Variants in TIAM2 observed in about 807,000 individuals in gnomAD.
TIAM2 encodes the protein TIAM Rac1 associated GEF 2.
A neutral mutation model predicts 152.9 loss-of-function variants in TIAM2; 80 were observed. The observed-to-expected ratio is 0.52, with a 90% CI of 0.44 to 0.63. TIAM2 has a LOEUF of 0.63. Among genes scored for constraint, TIAM2 ranks in the 30% least tolerant of loss-of-function variants. TIAM2 has a pLI of 0.00. For missense variants in TIAM2, 1,965 were observed against 2,120.1 expected (o/e 0.93, Z 1.44); for synonymous variants, 804 against 838.0 (o/e 0.96, Z 0.70).
At chr6:155,248,475 C>T (rs546970877) in intron 20 of TIAM2, among the ~76,000 whole-genome samples, 127 of 152,312 alleles carry the variant, frequency 8.3e-4, no homozygotes, top group African/African-American at 2.9e-3. Context: ...AGTAAATTAC[C>T]TCAGGTCACG....
chr6:155,055,254 A>G (rs927473698), intron 1 of TIAM2, among the ~76,000 whole-genome samples: 3 of 152,228 alleles, frequency 2.0e-5, no homozygotes, highest in Non-Finnish European at 2.9e-5. Flanking sequence ...TCAAAGTACC[A>G]TACTATAACA....
At chr6:155,237,292 G>A (rs1253768652) in intron 15 of TIAM2, among the ~76,000 whole-genome samples, 1 of 152,234 alleles carries the variant, frequency 6.6e-6, no homozygotes, top group Middle Eastern at 3.2e-3. Context: ...GCAAGAGGTG[G>A]GTTCTCATGG....
At chr6:155,166,975 C>A (rs1780456143) in intron 9 of TIAM2, among the ~76,000 whole-genome samples, 1 of 152,070 alleles carries the variant, frequency 6.6e-6, no homozygotes, top group South Asian at 2.1e-4. Flanking sequence ...TTTATTGGAT[C>A]TTTGTTTTCT....
intron 1 of TIAM2, among the ~76,000 whole-genome samples, chr6:155,089,960 A>G (rs865896606): frequency 6.6e-6 from 1 of 152,030 alleles, no homozygotes. Context: ...CTGTCTGTCC[A>G]TCCATCCATC....
At chr6:155,189,923 T>TGG (rs941248268) in intron 14 of TIAM2, among the ~76,000 whole-genome samples, 9 of 151,744 alleles carry the variant, frequency 5.9e-5, no homozygotes, top group African/African-American at 2.2e-4. Context: ...AGGTGTGTGG[T>TGG]GGGGGGATTT....
intron 1 of TIAM2, among the ~76,000 whole-genome samples, chr6:155,016,807 G>A (rs542351072): frequency 3.7e-4 from 56 of 152,314 alleles, no homozygotes; most frequent in African/African-American, 1.3e-3. Flanking sequence ...AGCTGAGGCA[G>A]GAGAATCGCT....
At chr6:155,136,752 T>A (rs73575620) in intron 4 of TIAM2, among the ~76,000 whole-genome samples, 7,207 of 152,276 alleles carry the variant, frequency 0.047, 560 homozygotes, top group African/African-American at 0.16. Flanking sequence ...AGTAATTTTC[T>A]AATTTACCTT....
intron 2 of TIAM2, among the ~76,000 whole-genome samples, chr6:155,109,317 G>A (rs931426411): frequency 6.7e-4 from 102 of 152,248 alleles, no homozygotes; most frequent in African/African-American, 2.4e-3. Flanking sequence ...TACAGGCCGT[G>A]AAGAACAAGG....
At chr6:155,030,297 A>G (rs1237865287) in intron 1 of TIAM2, among the ~76,000 whole-genome samples, 3 of 152,124 alleles carry the variant, frequency 2.0e-5, no homozygotes, top group Non-Finnish European at 4.4e-5. Context: ...GTTGTGATCA[A>G]TCTTAGTGCC....
intron 15 of TIAM2, among the ~76,000 whole-genome samples, chr6:155,211,825 T>C (rs1781729430): frequency 6.6e-6 from 1 of 152,196 alleles, no homozygotes; most frequent in African/African-American, 2.4e-5. Context: ...TCTAGAACTT[T>C]TTCATCATTC....
chr6:155,110,332 TG>T (rs1778811569), intron 2 of TIAM2, among the ~76,000 whole-genome samples: 6 of 137,386 alleles, frequency 4.4e-5, no homozygotes, highest in South Asian at 2.3e-4. Flanking sequence ...TTTTTTTTGT[TG>T]TTCTTTCTTT....
chr6:155,104,830 C>G (rs1479356775), intron 2 of TIAM2, among the ~76,000 whole-genome samples: 1 of 151,816 alleles, frequency 6.6e-6, no homozygotes, highest in African/African-American at 2.4e-5. Flanking sequence ...TGTGTGTGTG[C>G]CTATATGGGT....
intron 14 of TIAM2, among the ~76,000 whole-genome samples, chr6:155,201,425 G>T (rs1268534808): frequency 6.6e-6 from 1 of 152,210 alleles, no homozygotes; most frequent in African/African-American, 2.4e-5. Flanking sequence ...GTAAGTAAGT[G>T]TGGCATTGGG....
At chr6:155,238,302 A>G (rs1444020808) in intron 15 of TIAM2, among the ~76,000 whole-genome samples, 1 of 152,214 alleles carries the variant, frequency 6.6e-6, no homozygotes, top group East Asian at 1.9e-4. Context: ...TTTCACTATC[A>G]GCATCTTTGT....
chr6:155,032,052 A>G (rs1776832249), intron 1 of TIAM2, among the ~76,000 whole-genome samples: 1 of 152,178 alleles, frequency 6.6e-6, no homozygotes, highest in African/African-American at 2.4e-5. Context: ...CTCTCAAAGT[A>G]TAGCGTGTAC....
chr6:155,244,354 C>T (rs935001519), intron 17 of TIAM2, among the ~76,000 whole-genome samples: 1 of 152,142 alleles, frequency 6.6e-6, no homozygotes, highest in Admixed American at 6.5e-5. Context: ...CAATACATAC[C>T]TTTGTAATGT....
chr6:155,058,573 T>A (rs75873327), intron 1 of TIAM2, among the ~76,000 whole-genome samples: 2,686 of 152,354 alleles, frequency 0.018, 62 homozygotes, highest in African/African-American at 0.061. Flanking sequence ...ATGTAAGCAC[T>A]GAGCTAATTA....
At chr6:155,114,026 A>T in intron 2 of TIAM2, among the ~76,000 whole-genome samples, 1 of 41,708 alleles carries the variant, frequency 2.4e-5, no homozygotes, top group African/African-American at 9.9e-5. Context: ...ATATATATAT[A>T]TATATATATA....
chr6:155,216,752 C>G (rs1243106883), intron 15 of TIAM2: 2 of 286,226 alleles, frequency 7.0e-6, no homozygotes, highest in Middle Eastern at 2.7e-3. Flanking sequence ...TGAGCTGGCT[C>G]TGAGGCTCAG....
Sources: gnomAD v4.1 joint callset for allele counts (sites outside exome capture counted in the v4.1 genomes callset) on GRCh38, gnomAD v4.1.1 for gene constraint, MANE v1.5 for transcripts, NCBI Gene and HGNC (gene_info 2026-07-23, HGNC 2026-07-21) for gene names.